RSBN1L: variants seen among roughly 807,000 people sequenced by gnomAD.
RSBN1L encodes the protein lysine-specific demethylase RSBN1L.
RSBN1L carries 30 observed loss-of-function variants against 67.7 expected under a neutral mutation model. That is an observed-to-expected ratio of 0.44 (90% CI 0.33 to 0.60). The LOEUF is 0.60. RSBN1L is among the 20% of genes least tolerant of loss of function. RSBN1L has a pLI of 0.02. For synonymous variants in RSBN1L, 433 were observed against 387.0 expected (o/e 1.12, Z -1.39); for missense variants, 992 against 1,031.7 (o/e 0.96, Z 0.53).
chr7:77,768,637 A>G (rs368998646), intron 4 of RSBN1L, 24 bp from the exon 5 acceptor site: 15 of 1,598,228 alleles, frequency 9.4e-6, no homozygotes, highest in East Asian at 4.5e-5. Flanking sequence ...AATAATTGCA[A>G]TCTGCATAAT....
intron 2 of RSBN1L, among the ~76,000 whole-genome samples, chr7:77,745,414 G>C (rs1010271595): frequency 9.2e-5 from 14 of 152,158 alleles, no homozygotes; most frequent in African/African-American, 3.4e-4. Flanking sequence ...TATAATGATG[G>C]AAAAGGAGGT....
intron 6 of RSBN1L, among the ~76,000 whole-genome samples, chr7:77,776,003 C>CCT (rs2150435039): frequency 6.6e-6 from 1 of 152,158 alleles, no homozygotes; most frequent in East Asian, 1.9e-4. Flanking sequence ...TTGCAGTGAG[C>CCT]TTAGATGGCA....
At chr7:77,720,279 G>C (rs930619954) in intron 1 of RSBN1L, among the ~76,000 whole-genome samples, 1 of 152,146 alleles carries the variant, frequency 6.6e-6, no homozygotes, top group African/African-American at 2.4e-5. Flanking sequence ...AATTGTAAAA[G>C]GCTGGGCGTG....
chr7:77,769,716 C>A (rs560641812), intron 5 of RSBN1L, among the ~76,000 whole-genome samples: 1 of 152,040 alleles, frequency 6.6e-6, no homozygotes, highest in East Asian at 1.9e-4. Flanking sequence ...TGTAAACAAC[C>A]CAGTAGAAAA....
intron 1 of RSBN1L, among the ~76,000 whole-genome samples, chr7:77,718,870 G>A (rs1791080783): frequency 6.6e-6 from 1 of 152,192 alleles, no homozygotes; most frequent in South Asian, 2.1e-4. Flanking sequence ...GCTCATTGGT[G>A]TTGAGTTGGT....
intron 6 of RSBN1L, among the ~76,000 whole-genome samples, chr7:77,775,442 T>C (rs1201761110): frequency 6.6e-6 from 1 of 152,080 alleles, no homozygotes. Context: ...GGCACAAGAA[T>C]TGCTTGAACC....
chr7:77,699,430 A>C (rs749627973), intron 1 of RSBN1L, among the ~76,000 whole-genome samples: 2 of 152,230 alleles, frequency 1.3e-5, no homozygotes, highest in Non-Finnish European at 2.9e-5. Flanking sequence ...TTATTTTTAC[A>C]TTGGTGACCA....
chr7:77,733,625 AT>A lies in RSBN1L; in HGVS notation c.587-2784del, dbSNP rs758249865. On this transcript the variant is annotated intron_variant, in intron 1 of 7. Coordinates refer to ENST00000334955, the MANE Select transcript of RSBN1L (RefSeq NM_198467.3). ...TTCAATATGTTAAATATTTAATTAA[AT>A]AAATAATTTTAAATAATGGCTTTTA... 3.3e-5 allele frequency among the ~76,000 whole-genome samples: 5 copies of A among 152,008 alleles called. No individual in the cohort carries two copies. The East Asian group carries it at 9.6e-4, about 29-fold the overall frequency.
At position 77,779,424 on chromosome 7, in the gene RSBN1L, A is replaced by G. The variant is rs1584308599; in HGVS notation, c.*256A>G. 5.2e-6 allele frequency: 1 copy of G among 192,160 alleles called. No individual in the cohort carries two copies. Among genetic ancestry groups the G allele is most frequent in the Non-Finnish European group, 1.0e-5 (1 of 97,210 alleles). 11.9% of individuals were successfully genotyped at this position (192,160 alleles called of 1,614,324 possible). On this transcript the variant is annotated 3_prime_UTR_variant, in exon 8 of 8. Coordinates refer to ENST00000334955, the MANE Select transcript of RSBN1L (RefSeq NM_198467.3). Reference sequence around the variant, plus strand: ...CATTTACGTTGGAATTTTAGGTTTTAGAATAGAGCTGACATTAACATATAT... The same window carrying G: ...CATTTACGTTGGAATTTTAGGTTTTGGAATAGAGCTGACATTAACATATAT...
intron 1 of RSBN1L, among the ~76,000 whole-genome samples, chr7:77,708,833 T>C (rs1012290802): frequency 1.3e-5 from 2 of 152,228 alleles, no homozygotes; most frequent in African/African-American, 4.8e-5. Context: ...AAGACTACTG[T>C]ATTAGTTAAA....
At chr7:77,701,326 A>T (rs890594973) in intron 1 of RSBN1L, among the ~76,000 whole-genome samples, 4 of 151,886 alleles carry the variant, frequency 2.6e-5, no homozygotes, top group African/African-American at 4.8e-5. Flanking sequence ...CTTTTGTTGA[A>T]TTTTATTTTT....
At chr7:77,704,933 T>C (rs754385092) in intron 1 of RSBN1L, among the ~76,000 whole-genome samples, 3 of 151,896 alleles carry the variant, frequency 2.0e-5, no homozygotes, top group Non-Finnish European at 4.4e-5. Flanking sequence ...GATGGCACCA[T>C]TGCACTTGAC....
intron 3 of RSBN1L, among the ~76,000 whole-genome samples, chr7:77,760,714 C>A (rs949520682): frequency 1.3e-5 from 2 of 152,170 alleles, no homozygotes; most frequent in African/African-American, 4.8e-5. Context: ...CTGGCTGCAA[C>A]CTCCGCCTCC....
chr7:77,749,394 T>A, intron 2 of RSBN1L, 30 bp from the exon 3 acceptor site: 1 of 1,463,282 alleles, frequency 6.8e-7, no homozygotes, highest in Non-Finnish European at 9.1e-7. Context: ...AATTAAAATA[T>A]GGAGTTTCAA....
chr7:77,773,424 C>T, intron 6 of RSBN1L, 110 bp downstream of exon 6: 1 of 721,628 alleles, frequency 1.4e-6, no homozygotes, highest in African/African-American at 1.8e-5. Flanking sequence ...TCATTTTTTA[C>T]CCGTATTTGG....
intron 2 of RSBN1L, among the ~76,000 whole-genome samples, chr7:77,738,506 C>T (rs1791365701): frequency 1.3e-5 from 2 of 152,060 alleles, no homozygotes; most frequent in Non-Finnish European, 2.9e-5. Context: ...TTAATTACTG[C>T]CTTACAGTGT....
At position 77,707,216 on chromosome 7, in the gene RSBN1L, G is replaced by C. The variant is rs112318173; in HGVS notation, c.586+10161G>C. On this transcript the variant is annotated intron_variant, in intron 1 of 7. Transcript: ENST00000334955. ...TTTTTGTATTTTTAGTAGAGACAGGGTTCCACCATGTTGACCAGACTGGTC... is the reference window on the plus strand; with the variant it reads ...TTTTTGTATTTTTAGTAGAGACAGGCTTCCACCATGTTGACCAGACTGGTC... Among the ~76,000 whole-genome samples the C allele has an allele frequency of 7.0e-3, 1,067 of 152,100 alleles. 6 individuals are homozygous for C. Among genetic ancestry groups the C allele is most frequent in the African/African-American group, 0.024 (996 of 41,498 alleles).
chr7:77,760,018 T>A (rs540172372), intron 3 of RSBN1L, among the ~76,000 whole-genome samples: 7 of 152,304 alleles, frequency 4.6e-5, no homozygotes, highest in East Asian at 3.9e-4. Flanking sequence ...TGGGGTTTTT[T>A]AAAAAATTAC....
At chr7:77,773,419 T>C in intron 6 of RSBN1L, 105 bp downstream of exon 6, 1 of 745,612 alleles carries the variant, frequency 1.3e-6, no homozygotes, top group East Asian at 2.9e-5. Flanking sequence ...AAGTTTCATT[T>C]TTTACCCGTA....
Sources: allele counts gnomAD v4.1 joint callset (sites outside exome capture counted in the v4.1 genomes callset), GRCh38; gene constraint gnomAD v4.1.1; transcripts MANE v1.5; gene names NCBI Gene and HGNC (gene_info 2026-07-23, HGNC 2026-07-21).